Variants in PCDH11X observed in about 807,000 individuals in gnomAD.
PCDH11X encodes the protein protocadherin-11 X-linked.
A neutral mutation model predicts 53.3 loss-of-function variants in PCDH11X; 18 were observed. The ratio of observed to expected loss-of-function variants is 0.34; its 90% CI spans 0.23 to 0.50. PCDH11X has a LOEUF of 0.50. Among genes scored for constraint, PCDH11X ranks in the 20% least tolerant of loss-of-function variants. PCDH11X has a pLI of 0.98. For missense variants in PCDH11X, 570 were observed against 1,032.4 expected (o/e 0.55, Z 6.14); for synonymous variants, 279 against 393.3 (o/e 0.71, Z 3.44).
intron 7 of PCDH11X, among the ~76,000 whole-genome samples, chrX:92,260,498 GT>G (rs1335285208): frequency 9.0e-6 from 1 of 110,920 alleles, no homozygotes; most frequent in Admixed American, 9.6e-5. Context: ...ATTCAGGACT[GT>G]TTTTTTCTAT....
At chrX:92,452,431 T>C (rs1273710934) in intron 9 of PCDH11X, among the ~76,000 whole-genome samples, 3 of 85,501 alleles carry the variant, frequency 3.5e-5, no homozygotes, top group African/African-American at 1.3e-4. Context: ...ATTACATATA[T>C]AGTAGTTTGT....
At chrX:92,161,499 A>G (rs1169854113) in intron 6 of PCDH11X, among the ~76,000 whole-genome samples, 1 of 110,522 alleles carries the variant, frequency 9.0e-6, no homozygotes, top group Non-Finnish European at 1.9e-5. Flanking sequence ...GTGCCTAGAC[A>G]TGATCTTTTT....
chrX:92,547,958 C>T (rs2074887374), intron 10 of PCDH11X, among the ~76,000 whole-genome samples: 1 of 109,492 alleles, frequency 9.1e-6, no homozygotes, highest in Non-Finnish European at 1.9e-5. Context: ...ATTACATTAA[C>T]ATGTTTATTC....
Position 92,466,091 on chromosome X carries a change from C to T in PCDH11X, c.3344-2208C>T, listed in dbSNP as rs765498063. 3.4e-4 allele frequency among the ~76,000 whole-genome samples: 38 copies of T among 111,098 alleles called. No individual in the cohort carries two copies. In the South Asian group the frequency reaches 0.011, roughly 33 times the overall value. ...ATCTTCTTGTTAAAAACACACTTAA[C>T]GTGTGAGATATGTTCATCTTCCATA... On this transcript the variant is annotated intron_variant, in intron 9 of 10. Coordinates refer to ENST00000682573, the MANE Select transcript of PCDH11X (RefSeq NM_032968.5).
At chrX:92,114,856 G>A (rs999678646) in intron 6 of PCDH11X, among the ~76,000 whole-genome samples, 2 of 110,331 alleles carry the variant, frequency 1.8e-5, no homozygotes, top group African/African-American at 3.3e-5. Context: ...TTTTGAGACG[G>A]AGTCTTGCTC....
chrX:92,216,303 A>G (rs2148345253), intron 7 of PCDH11X, among the ~76,000 whole-genome samples: 1 of 109,833 alleles, frequency 9.1e-6, no homozygotes, highest in East Asian at 2.9e-4. Flanking sequence ...GAAAACTTTG[A>G]AAAAAATTTA....
At chrX:92,216,395 T>C (rs1288714782) in intron 7 of PCDH11X, among the ~76,000 whole-genome samples, 4 of 104,967 alleles carry the variant, frequency 3.8e-5, no homozygotes, top group African/African-American at 1.4e-4. Flanking sequence ...TCGAGAACTA[T>C]GTGAAGAATG....
chrX:92,587,148 A>G (rs1040901116), intron 10 of PCDH11X, among the ~76,000 whole-genome samples: 25 of 110,326 alleles, frequency 2.3e-4, no homozygotes, highest in Non-Finnish European at 3.8e-4. Context: ...TCTTTTCATG[A>G]GAGTTCAGCT....
At chrX:92,239,563 T>C (rs776145289) in intron 7 of PCDH11X, among the ~76,000 whole-genome samples, 1 of 111,800 alleles carries the variant, frequency 8.9e-6, no homozygotes, top group African/African-American at 3.2e-5. Context: ...AAAAGATCTT[T>C]ATTGAATCAT....
intron 4 of PCDH11X, among the ~76,000 whole-genome samples, chrX:91,831,205 T>G (rs907855975): frequency 9.0e-6 from 1 of 111,522 alleles, no homozygotes; most frequent in Non-Finnish European, 1.9e-5. Context: ...TAAATACAAC[T>G]ATTGCTTACC....
intron 10 of PCDH11X, among the ~76,000 whole-genome samples, chrX:92,581,086 A>AT (rs1923633877): frequency 9.0e-6 from 1 of 111,476 alleles, no homozygotes; most frequent in Admixed American, 9.6e-5. Flanking sequence ...CCATAGTAGG[A>AT]TTTTTTAACA....
At chrX:92,530,984 C>G (rs1464436950) in intron 10 of PCDH11X, among the ~76,000 whole-genome samples, 1 of 108,683 alleles carries the variant, frequency 9.2e-6, no homozygotes, top group Non-Finnish European at 1.9e-5. Context: ...TCAAAAATTA[C>G]AATTTTTATA....
intron 6 of PCDH11X, among the ~76,000 whole-genome samples, chrX:91,899,265 T>A (rs968008356): frequency 9.0e-6 from 1 of 110,649 alleles, no homozygotes; most frequent in African/African-American, 3.3e-5. Context: ...TGAAGTCCGA[T>A]GTTTGAGGGC....
chrX:92,265,721 C>T (rs995587098), intron 8 of PCDH11X, among the ~76,000 whole-genome samples: 2 of 110,770 alleles, frequency 1.8e-5, no homozygotes, highest in Non-Finnish European at 3.8e-5. Context: ...AAGTGGCTTG[C>T]CTAAGGTTAC....
chrX:91,849,496 G>A (rs1488544235), intron 5 of PCDH11X, among the ~76,000 whole-genome samples: 7 of 107,872 alleles, frequency 6.5e-5, no homozygotes, highest in East Asian at 2.9e-4. Flanking sequence ...GTGTCCATGA[G>A]TTATCTTTAT....
At chrX:91,822,564 T>C (rs1458571279) in intron 4 of PCDH11X, among the ~76,000 whole-genome samples, 1 of 108,209 alleles carries the variant, frequency 9.2e-6, no homozygotes, top group African/African-American at 3.4e-5. Context: ...TCTTCTCTCT[T>C]TTTTTCTTTA....
rs150537138 is a variant in PCDH11X, at chrX:92,521,331, C to T, written c.3367+53009C>T. ...AGAATGAAAACAACTTTAATCTGCTCGCATGTCTCCATTAGAGCTCTTGAC... is the reference window on the plus strand; with the variant it reads ...AGAATGAAAACAACTTTAATCTGCTTGCATGTCTCCATTAGAGCTCTTGAC... On this transcript the variant is annotated intron_variant, in intron 10 of 10. Coordinates refer to ENST00000682573, the MANE Select transcript of PCDH11X (RefSeq NM_032968.5). Among the ~76,000 whole-genome samples the T allele has an allele frequency of 1.9e-3, 215 of 111,843 alleles. 1 individual carries two copies. Among genetic ancestry groups the T allele is most frequent in the African/African-American group, 6.6e-3 (203 of 30,861 alleles).
chrX:91,873,541 AG>A (rs747910048), intron 5 of PCDH11X, among the ~76,000 whole-genome samples: 1 of 110,931 alleles, frequency 9.0e-6, no homozygotes, highest in African/African-American at 3.3e-5. Flanking sequence ...TTTCACATAA[AG>A]TAATTAAAAG....
chrX:92,396,266 AC>A (rs1375869042), intron 9 of PCDH11X, among the ~76,000 whole-genome samples: 6 of 106,638 alleles, frequency 5.6e-5, no homozygotes, highest in Middle Eastern at 4.8e-3. Context: ...AGGAGGAGAA[AC>A]GCAGAATATG....
Sources: gnomAD v4.1 joint callset for allele counts (sites outside exome capture counted in the v4.1 genomes callset) on GRCh38, gnomAD v4.1.1 for gene constraint, MANE v1.5 for transcripts, NCBI Gene and HGNC (gene_info 2026-07-23, HGNC 2026-07-21) for gene names.